Variants in LRRC40 observed in about 807,000 individuals in gnomAD.
LRRC40 encodes leucine-rich repeat-containing protein 40.
LRRC40 carries 76 observed loss-of-function variants against 72.8 expected under a neutral mutation model. The ratio of observed to expected loss-of-function variants is 1.04; its 90% confidence interval spans 0.87 to 1.26. The LOEUF (loss-of-function observed/expected upper bound fraction) is 1.26. Ranked by LOEUF, LRRC40 falls within the 50% of genes most tolerant of loss-of-function variation. The pLI, the probability that LRRC40 is intolerant of heterozygous loss-of-function variation, is 0.00. For missense variants in LRRC40, 684 were observed against 698.9 expected (o/e 0.98, Z 0.24); for synonymous variants, 243 against 254.2 (o/e 0.96, Z 0.42).
At chr1:70,160,515 A>C (rs763821727) in intron 9 of LRRC40, among the ~76,000 whole-genome samples, 1 of 152,102 alleles carries the variant, frequency 6.6e-6, no homozygotes, top group Non-Finnish European at 1.5e-5. Flanking sequence ...TAGTAGTACT[A>C]CTCCCCTAGC....
chr1:70,188,513 G>A (rs1668417246), intron 2 of LRRC40, among the ~76,000 whole-genome samples: 1 of 151,810 alleles, frequency 6.6e-6, no homozygotes, highest in Admixed American at 6.6e-5. Flanking sequence ...GGCAGGAGGA[G>A]AGTTTGAGGA....
intron 1 of LRRC40, 68 bp from the exon 2 acceptor site, chr1:70,189,341 C>G (rs1668441872): frequency 8.0e-7 from 1 of 1,250,644 alleles, no homozygotes; most frequent in South Asian, 1.7e-5. Context: ...GAACTAGATA[C>G]TAAGTGACAT....
chr1:70,179,037 A>T, intron 5 of LRRC40, 44 bp from the exon 6 acceptor site: 1 of 1,308,284 alleles, frequency 7.6e-7, no homozygotes, highest in Non-Finnish European at 1.0e-6. Flanking sequence ...AGAAAAAAAA[A>T]TTAGTTTCTG....
intron 1 of LRRC40, among the ~76,000 whole-genome samples, chr1:70,192,193 T>C (rs1668516377): frequency 6.6e-6 from 1 of 152,178 alleles, no homozygotes; most frequent in Non-Finnish European, 1.5e-5. Flanking sequence ...ACCTCCCTGG[T>C]TAGCTGTATT....
At chr1:70,179,244 GC>G (rs1304662476) in intron 5 of LRRC40, among the ~76,000 whole-genome samples, 1 of 152,020 alleles carries the variant, frequency 6.6e-6, no homozygotes, top group Non-Finnish European at 1.5e-5. Flanking sequence ...ACTTTGGGAG[GC>G]CCGAGGTGGG....
intron 3 of LRRC40, among the ~76,000 whole-genome samples, chr1:70,187,004 T>C (rs1336218906): frequency 7.2e-6 from 1 of 139,666 alleles, no homozygotes; most frequent in East Asian, 2.1e-4. Context: ...AATTGTTTTA[T>C]AAAAAAAAAA....
chr1:70,197,139 G>C (rs1463343220), intron 1 of LRRC40, among the ~76,000 whole-genome samples: 1 of 146,598 alleles, frequency 6.8e-6, no homozygotes, highest in Non-Finnish European at 1.5e-5. Context: ...TAAAGTAACT[G>C]ATGAACTTGA....
At chr1:70,166,914 G>GA (rs1007584156) in intron 9 of LRRC40, among the ~76,000 whole-genome samples, 26 of 147,880 alleles carry the variant, frequency 1.8e-4, no homozygotes, top group African/African-American at 6.0e-4. Context: ...GAGAAAAAAG[G>GA]AAAAAAAAGA....
In LRRC40 at chr1:70,196,112, GA is replaced by G. The variant is rs796209568; in HGVS notation, c.152-6840del. On this transcript the variant is annotated intron_variant, in intron 1 of 14. Coordinates refer to ENST00000370952, the MANE Select transcript of LRRC40 (RefSeq NM_017768.5). ...AGACCTACGAAATGTTTCTTTCTAA[GA>G]AAAAAAAAAAAGACTATACAAGAAA... Among the ~76,000 whole-genome samples the G allele has an allele frequency of 3.9e-3, 484 of 124,956 alleles. 2 individuals are homozygous for G. Among genetic ancestry groups the G allele is most frequent in the East Asian group, 0.034 (149 of 4,340 alleles). The allele number at this position is 124,956 out of a possible 152,430, so 82.0% of individuals were successfully genotyped here.
chr1:70,182,142 T>A (rs1365943734), intron 4 of LRRC40, among the ~76,000 whole-genome samples: 3 of 152,014 alleles, frequency 2.0e-5, no homozygotes, highest in Non-Finnish European at 4.4e-5. Flanking sequence ...CATACTGTTA[T>A]AATTATTTTA....
intron 7 of LRRC40, among the ~76,000 whole-genome samples, chr1:70,174,465 A>C (rs1668060700): frequency 6.6e-6 from 1 of 152,138 alleles, no homozygotes; most frequent in Non-Finnish European, 1.5e-5. Context: ...AAATGAAAAT[A>C]ATGTCCACAC....
Position 70,205,507 on chromosome 1 carries a change from G to A in LRRC40, c.34C>T (p.Leu12Phe). 1 of 1,602,752 alleles carries A rather than the reference G, an allele frequency of 6.2e-7. No homozygotes were observed. Among genetic ancestry groups the A allele is most frequent in the Non-Finnish European group, 8.5e-7 (1 of 1,171,026 alleles). ...CCACCTGCTTTGAAACCAGCGCGGA[G>A]ATCCTGCCCCGCTATCCGCTTCAGG... Reference protein sequence around the residue: ...SRLKRIAGQDLRAGFKAGGRD... With the variant: ...SRLKRIAGQDFRAGFKAGGRD... Residue 12 changes from leucine to phenylalanine, a missense_variant, in exon 1 of 15, where the codon CTC (leucine) becomes TTC (phenylalanine). Physicochemically the swap from Leu to Phe is conservative, Grantham distance 22. Transcript: ENST00000370952.
chr1:70,200,593 T>C (rs763504886), intron 1 of LRRC40, among the ~76,000 whole-genome samples: 5 of 152,232 alleles, frequency 3.3e-5, no homozygotes, highest in South Asian at 2.1e-4. Flanking sequence ...CAATTCTTAA[T>C]AATAAAGCTT....
chr1:70,197,959 G>T (rs1668653514), intron 1 of LRRC40, among the ~76,000 whole-genome samples: 1 of 151,926 alleles, frequency 6.6e-6, no homozygotes, highest in East Asian at 2.0e-4. Flanking sequence ...ACGAAGTTTT[G>T]CCTTGTTGCC....
intron 10 of LRRC40, among the ~76,000 whole-genome samples, chr1:70,158,053 T>A (rs1005580712): frequency 8.5e-6 from 1 of 117,530 alleles, no homozygotes; most frequent in African/African-American, 3.4e-5. Context: ...TGAGCCGAGA[T>A]AACGCCACTG....
rs269270 is a variant in LRRC40 at position 70,154,295 on chromosome 1, G to A, written c.1328+1394C>T. On this transcript the variant is annotated intron_variant, in intron 11 of 14. Coordinates refer to ENST00000370952, the MANE Select transcript of LRRC40 (RefSeq NM_017768.5). ...CTTGATTATTTTCTTGACATTCTAA[G>A]TTGCTCAAAATGTGATATAATAGCT... Among the ~76,000 whole-genome samples the A allele has an allele frequency of 7.7e-3, 1,177 of 152,210 alleles. 10 individuals carry two copies. Among genetic ancestry groups the A allele is most frequent in the African/African-American group, 0.027 (1,106 of 41,532 alleles).
intron 1 of LRRC40, among the ~76,000 whole-genome samples, chr1:70,192,309 C>T (rs2100338082): frequency 6.6e-6 from 1 of 152,060 alleles, no homozygotes; most frequent in African/African-American, 2.4e-5. Flanking sequence ...GATTTTTGTA[C>T]ATTGATTTTG....
rs146756840 is a variant in LRRC40 at position 70,164,371 on chromosome 1, C to T, written c.1112-4933G>A. On this transcript the variant is annotated intron_variant, in intron 9 of 14. Transcript: ENST00000370952. ...CGACATTGCACTCCAACCTGGGCAA[C>T]GAGAGCGAAACTCCATATCAAAAGA... Among the ~76,000 whole-genome samples, 507 of 151,906 alleles carry T rather than the reference C, an allele frequency of 3.3e-3. 6 individuals are homozygous for T. Among genetic ancestry groups the T allele is most frequent in the South Asian group, 0.031 (150 of 4,794 alleles).
intron 1 of LRRC40, among the ~76,000 whole-genome samples, chr1:70,201,836 G>A (rs1668747293): frequency 6.6e-6 from 1 of 152,014 alleles, no homozygotes; most frequent in Non-Finnish European, 1.5e-5. Flanking sequence ...AATTAGCCAG[G>A]CATGACAGCA....
Sources: allele counts gnomAD v4.1 joint callset (sites outside exome capture counted in the v4.1 genomes callset), GRCh38; gene constraint gnomAD v4.1.1; transcripts MANE v1.5; gene names NCBI Gene and HGNC (gene_info 2026-07-23, HGNC 2026-07-21).